Variants in RIC8B observed in about 807,000 individuals in gnomAD.
The protein encoded by RIC8B is chaperone Ric-8B.
In RIC8B, 16 loss-of-function variants were observed where a neutral mutation model predicts 57.5. The observed-to-expected ratio is 0.28, with a 90% CI of 0.19 to 0.42. The LOEUF (loss-of-function observed/expected upper bound fraction) is 0.42. Ranked by LOEUF, RIC8B falls within the 10% of genes least tolerant of loss-of-function variation. RIC8B has a pLI of 1.00. For synonymous variants in RIC8B, 216 were observed against 250.8 expected (o/e 0.86, Z 1.31); for missense variants, 481 against 677.0 (o/e 0.71, Z 3.21).
chr12:106,774,958 C>A, intron 1 of RIC8B, 129 bp downstream of exon 1: 1 of 699,702 alleles, frequency 1.4e-6, no homozygotes, highest in Non-Finnish European at 2.4e-6. Context: ...ACGTTTCCGG[C>A]TTGGGCATGC....
At chr12:106,864,583 T>C (rs1185099378) in intron 8 of RIC8B, among the ~76,000 whole-genome samples, 1 of 152,178 alleles carries the variant, frequency 6.6e-6, no homozygotes, top group Admixed American at 6.6e-5. Flanking sequence ...GCAGCCTGAC[T>C]CTAGAGCTTG....
intron 1 of RIC8B, among the ~76,000 whole-genome samples, chr12:106,779,667 A>T (rs1393072077): frequency 1.4e-5 from 2 of 147,856 alleles, no homozygotes; most frequent in Non-Finnish European, 3.0e-5. Flanking sequence ...CAACACAGAC[A>T]CACACAAAAA....
intron 2 of RIC8B, among the ~76,000 whole-genome samples, chr12:106,796,139 A>G (rs1204725830): frequency 3.3e-5 from 5 of 152,216 alleles, no homozygotes; most frequent in African/African-American, 1.2e-4. Context: ...CCTTGTAGAA[A>G]TTGACAAGCT....
At chr12:106,883,761 A>G (rs1296206706) in intron 9 of RIC8B, among the ~76,000 whole-genome samples, 5 of 151,700 alleles carry the variant, frequency 3.3e-5, no homozygotes, top group African/African-American at 4.8e-5. Flanking sequence ...CAATGTGTCT[A>G]TCATGCTGCT....
chr12:106,799,588 C>G (rs2044639344), intron 2 of RIC8B, among the ~76,000 whole-genome samples: 1 of 152,162 alleles, frequency 6.6e-6, no homozygotes, highest in African/African-American at 2.4e-5. Context: ...TAGGGTCTTT[C>G]ATATGCTGTC....
At chr12:106,790,061 G>T (rs1426224761) in intron 2 of RIC8B, among the ~76,000 whole-genome samples, 1 of 152,130 alleles carries the variant, frequency 6.6e-6, no homozygotes, top group Non-Finnish European at 1.5e-5. Flanking sequence ...CGGTAGTGCT[G>T]TAAGTATGGT....
rs551148997 is a variant in RIC8B at position 106,879,319 on chromosome 12, C to T, written c.1572-6585C>T. 9 of 985,282 alleles carry T rather than the reference C, an allele frequency of 9.1e-6. No homozygotes were observed. In the South Asian group the frequency reaches 1.9e-4, roughly 21 times the overall value. 61.0% of individuals were successfully genotyped at this position (985,282 alleles called of 1,614,324 possible). On this transcript the variant is annotated intron_variant, in intron 9 of 9. Coordinates refer to ENST00000392837, the MANE Select transcript of RIC8B (RefSeq NM_001330145.2). The surrounding 1 kb of genome is among the most constrained non-coding windows in gnomAD (Gnocchi z 4.9). ...AAGTAAAGTGTTTTATACACATACA[C>T]GTCTGACCTATTCTATATTGTGCGA...
Position 106,870,916 on chromosome 12 carries a change from T to A in RIC8B, c.1545T>A (p.Leu515=), listed in dbSNP as rs111671900. ...EEQKEYEAMK[L]VNMLDKLSRE... is the part of the protein sequence containing the mutation. ...AAAAAGAATATGAAGCCATGAAACT[T>A]GTCAACATGCTTGATAAACTTTCCA... The change falls in exon 9 of 10, where the codon CTT becomes CTA. Residue 515 remains leucine, a synonymous_variant. Transcript: ENST00000392837. 1 of 1,549,996 alleles carries A rather than the reference T, an allele frequency of 6.5e-7. No homozygotes were observed. Among genetic ancestry groups the A allele is most frequent in the Non-Finnish European group, 8.7e-7 (1 of 1,145,772 alleles).
intron 9 of RIC8B, among the ~76,000 whole-genome samples, chr12:106,881,758 CA>C (rs981213588): frequency 1.1e-4 from 17 of 152,164 alleles, no homozygotes; most frequent in African/African-American, 4.1e-4. Context: ...CCAAATATTT[CA>C]TTTTGATATT....
chr12:106,802,534 ATTTTTTTTT>A (rs34706345), intron 2 of RIC8B, among the ~76,000 whole-genome samples: 1 of 102,194 alleles, frequency 9.8e-6, no homozygotes, highest in Admixed American at 1.0e-4. Context: ...CAATATGAGA[ATTTTTTTTT>A]TTTTTTTTTT....
rs774405834 is a variant in RIC8B, at chr12:106,784,559, C to G, written c.132+515C>G. Among the ~76,000 whole-genome samples, 6 of 152,128 alleles carry G rather than the reference C, an allele frequency of 3.9e-5. No homozygotes were observed. In the South Asian group the frequency reaches 1.0e-3, roughly 26 times the overall value. ...TTTTTTTGTAGAGACAGGGTCTCAT[C>G]ATGTTGCCCATGCTGGTCTATTGAG... On this transcript the variant is annotated intron_variant, in intron 2 of 9. Coordinates refer to ENST00000392837, the MANE Select transcript of RIC8B (RefSeq NM_001330145.2).
rs137943379 is a variant in RIC8B at position 106,776,968 on chromosome 12, C to G, written c.84+2139C>G. Among the ~76,000 whole-genome samples the G allele has an allele frequency of 1.9e-3, 293 of 152,268 alleles. 2 individuals are homozygous for G. The highest frequency in any genetic ancestry group is 6.5e-3 in the African/African-American group (269 of 41,550). ...TCACTGCAGCCTCCATCTCCTCCCC[C>G]CCACCGACCCTCCCAAGTAGCTGAG... On this transcript the variant is annotated intron_variant, in intron 1 of 9. Coordinates refer to ENST00000392837, the MANE Select transcript of RIC8B (RefSeq NM_001330145.2).
intron 3 of RIC8B, among the ~76,000 whole-genome samples, chr12:106,822,077 C>CAAAAAAAAAAAAAAAAAAAAAAAA (rs67378158): frequency 1.5e-3 from 58 of 38,032 alleles, no homozygotes; most frequent in Admixed American, 2.5e-3. Flanking sequence ...GACTCCATCT[C>CAAAAAAAAAAAAAAAAAAAAAAAA]AAAAAAAAAA....
At chr12:106,829,726 C>T (rs915864314) in intron 4 of RIC8B, among the ~76,000 whole-genome samples, 8 of 152,122 alleles carry the variant, frequency 5.3e-5, no homozygotes, top group Non-Finnish European at 8.8e-5. Flanking sequence ...CATCCTTCTC[C>T]GTAACTCTTT....
intron 2 of RIC8B, among the ~76,000 whole-genome samples, chr12:106,793,407 G>T (rs760202333): frequency 1.4e-4 from 22 of 152,186 alleles, no homozygotes; most frequent in Non-Finnish European, 2.8e-4. Context: ...ATGCCTAAGG[G>T]TGCAGGTTGT....
At chr12:106,806,828 A>AAAAT (rs1363589535) in intron 2 of RIC8B, among the ~76,000 whole-genome samples, 2 of 152,138 alleles carry the variant, frequency 1.3e-5, no homozygotes, top group African/African-American at 2.4e-5. Context: ...CTCCATCTCA[A>AAAAT]AAATAAATAA....
At position 106,864,243 on chromosome 12, in the gene RIC8B, C is replaced by G. The variant is rs139359706; in HGVS notation, c.1451+3831C>G. Among the ~76,000 whole-genome samples, 1,300 of 152,198 alleles carry G rather than the reference C, an allele frequency of 8.5e-3. 24 individuals are homozygous for G. Among genetic ancestry groups the G allele is most frequent in the African/African-American group, 0.03 (1,240 of 41,510 alleles). ...TTTAAAGCACACGCCACAAAACCACCTATTTGTTGCATGGTTTTTTTAGTT... is the reference window on the plus strand; with the variant it reads ...TTTAAAGCACACGCCACAAAACCACGTATTTGTTGCATGGTTTTTTTAGTT... On this transcript the variant is annotated intron_variant, in intron 8 of 9. Transcript: ENST00000392837.
intron 4 of RIC8B, among the ~76,000 whole-genome samples, chr12:106,831,166 C>T (rs1295627525): frequency 6.6e-6 from 1 of 152,154 alleles, no homozygotes; most frequent in African/African-American, 2.4e-5. Context: ...AAGCACTCAA[C>T]CCTAGATCTG....
At chr12:106,864,699 T>G (rs531415459) in intron 8 of RIC8B, among the ~76,000 whole-genome samples, 1 of 152,248 alleles carries the variant, frequency 6.6e-6, no homozygotes, top group South Asian at 2.1e-4. Context: ...TAACATCAAA[T>G]TTGCCATTTT....
Sources: allele counts gnomAD v4.1 joint callset (sites outside exome capture counted in the v4.1 genomes callset), GRCh38; gene constraint gnomAD v4.1.1; non-coding constraint Gnocchi (gnomAD v3.1); transcripts MANE v1.5; gene names NCBI Gene and HGNC (gene_info 2026-07-23, HGNC 2026-07-21).